Variants in KDM4C observed in about 807,000 individuals in gnomAD.
KDM4C encodes lysine-specific demethylase 4C.
KDM4C carries 81 observed loss-of-function variants against 129.3 expected under a neutral mutation model. The observed-to-expected ratio is 0.63, with a 90% CI of 0.52 to 0.75. The LOEUF is 0.75. Among genes scored for constraint, KDM4C ranks in the 30% least tolerant of loss-of-function variants. KDM4C has a pLI of 0.00. For missense variants in KDM4C, 1,457 were observed against 1,304.0 expected (o/e 1.12, Z -1.81); for synonymous variants, 573 against 456.1 (o/e 1.26, Z -3.26).
At chr9:6,811,200 A>G (rs907159414) in intron 3 of KDM4C, among the ~76,000 whole-genome samples, 13 of 151,896 alleles carry the variant, frequency 8.6e-5, no homozygotes, top group Non-Finnish European at 1.8e-4. Flanking sequence ...GTTGCCCAGG[A>G]TGGAGTGCAG....
At chr9:6,966,010 A>G (rs1292096242) in intron 8 of KDM4C, among the ~76,000 whole-genome samples, 1 of 152,224 alleles carries the variant, frequency 6.6e-6, no homozygotes, top group African/African-American at 2.4e-5. Flanking sequence ...AAAGCATATG[A>G]CCATTTTATT....
chr9:7,032,740 G>C (rs956163655), intron 15 of KDM4C, among the ~76,000 whole-genome samples: 13 of 152,132 alleles, frequency 8.5e-5, no homozygotes, highest in African/African-American at 3.1e-4. Flanking sequence ...TGCCTCCTCT[G>C]CTCAGCTTTT....
intron 15 of KDM4C, among the ~76,000 whole-genome samples, chr9:7,040,826 G>T (rs548950852): frequency 6.6e-6 from 1 of 150,672 alleles, no homozygotes; most frequent in African/African-American, 2.4e-5. Context: ...TTTTTATTTG[G>T]TTTCCAGAAT....
At chr9:7,028,698 G>A (rs1209657607) in intron 15 of KDM4C, among the ~76,000 whole-genome samples, 4 of 151,882 alleles carry the variant, frequency 2.6e-5, no homozygotes, top group Non-Finnish European at 2.9e-5. Context: ...TGTTTATTTC[G>A]CACCCCAGAG....
At chr9:7,024,700 A>G (rs1310564388) in intron 15 of KDM4C, among the ~76,000 whole-genome samples, 1 of 152,138 alleles carries the variant, frequency 6.6e-6, no homozygotes, top group African/African-American at 2.4e-5. Flanking sequence ...TCCATGGTGT[A>G]TATGTGCCAC....
chr9:6,890,061 A>G (rs1845897960), intron 7 of KDM4C, among the ~76,000 whole-genome samples: 1 of 152,170 alleles, frequency 6.6e-6, no homozygotes, highest in Non-Finnish European at 1.5e-5. Context: ...TGGCAGTGGC[A>G]CTTCCTCATA....
At chr9:6,844,949 A>G (rs1483571753) in intron 4 of KDM4C, among the ~76,000 whole-genome samples, 1 of 152,166 alleles carries the variant, frequency 6.6e-6, no homozygotes. Flanking sequence ...CGGCCTCCCA[A>G]AGTGCTGGGA....
At chr9:7,022,529 C>G (rs1002578974) in intron 15 of KDM4C, among the ~76,000 whole-genome samples, 2 of 151,278 alleles carry the variant, frequency 1.3e-5, no homozygotes, top group Admixed American at 6.6e-5. Flanking sequence ...TTTATCAGTT[C>G]TAGTAGTTTT....
chr9:7,108,982 A>G (rs1838014614), intron 18 of KDM4C, among the ~76,000 whole-genome samples: 2 of 152,214 alleles, frequency 1.3e-5, no homozygotes, highest in South Asian at 4.1e-4. Context: ...TTGATTATGG[A>G]TTGACAGGGA....
At chr9:6,735,586 A>C (rs1426505990) in intron 1 of KDM4C, among the ~76,000 whole-genome samples, 3 of 152,146 alleles carry the variant, frequency 2.0e-5, no homozygotes, top group African/African-American at 4.8e-5. Context: ...TCCCTGCACA[A>C]GCCCTCTCTT....
intron 8 of KDM4C, among the ~76,000 whole-genome samples, chr9:6,956,271 A>G (rs559410645): frequency 6.6e-6 from 1 of 152,352 alleles, no homozygotes; most frequent in Admixed American, 6.5e-5. Flanking sequence ...TTTGTAACTC[A>G]AAGGATAAAT....
In KDM4C at chr9:6,837,741, T is replaced by C. The variant is rs531749791; in HGVS notation, c.436-11766T>C. 6.6e-5 allele frequency among the ~76,000 whole-genome samples: 10 copies of C among 152,342 alleles called. No homozygotes were observed. The South Asian group carries it at 1.0e-3, about 16-fold the overall frequency. ...GATACCAAAACTATCCCAGTTATAT[T>C]TGTTGAATTATTTGCTCTAGTTGTG... On this transcript the variant is annotated intron_variant, in intron 4 of 21. Coordinates refer to ENST00000381309, the MANE Select transcript of KDM4C (RefSeq NM_015061.6).
At chr9:7,028,490 TCTCCTCTC>T (rs1261511651) in intron 15 of KDM4C, among the ~76,000 whole-genome samples, 3 of 151,388 alleles carry the variant, frequency 2.0e-5, no homozygotes, top group Non-Finnish European at 4.4e-5. Context: ...TACTCTCTCT[TCTCCTCTC>T]CTCAAGCAGA....
chr9:7,167,253 A>AACCATCCCTGCTTGCCTGGG, intron 20 of KDM4C, among the ~76,000 whole-genome samples: 1 of 152,318 alleles, frequency 6.6e-6, no homozygotes, highest in Non-Finnish European at 1.5e-5. Context: ...TAGGGTGGAC[A>AACCATCCCTGCTTGCCTGGG]ACCATCCCTG....
At chr9:6,727,242 G>C (rs1453743027) in intron 1 of KDM4C, 1 of 151,688 alleles carries the variant, frequency 6.6e-6, no homozygotes, top group Non-Finnish European at 1.5e-5. Flanking sequence ...CCTGAGGTCA[G>C]GAGTTCGAGA....
At chr9:7,153,970 G>T (rs936245094) in intron 19 of KDM4C, among the ~76,000 whole-genome samples, 1 of 152,190 alleles carries the variant, frequency 6.6e-6, no homozygotes, top group African/African-American at 2.4e-5. Flanking sequence ...CTGTCTGAGA[G>T]AATTCTCTCT....
At chr9:6,763,348 C>G (rs1819958986) in intron 1 of KDM4C, among the ~76,000 whole-genome samples, 1 of 152,114 alleles carries the variant, frequency 6.6e-6, no homozygotes, top group South Asian at 2.1e-4. Context: ...TTGATTGATT[C>G]CATCTCATTC....
intron 1 of KDM4C, among the ~76,000 whole-genome samples, chr9:6,738,743 C>T (rs1030154026): frequency 6.6e-6 from 1 of 151,966 alleles, no homozygotes; most frequent in Non-Finnish European, 1.5e-5. Flanking sequence ...CCACGCCCAA[C>T]TAATTTTTCT....
intron 8 of KDM4C, among the ~76,000 whole-genome samples, chr9:6,928,072 G>A (rs376288055): frequency 6.6e-6 from 1 of 151,966 alleles, no homozygotes; most frequent in Admixed American, 6.6e-5. Flanking sequence ...TCCTTTTTTA[G>A]CCCACTCCAG....
Sources: allele counts gnomAD v4.1 joint callset (sites outside exome capture counted in the v4.1 genomes callset), GRCh38; gene constraint gnomAD v4.1.1; transcripts MANE v1.5; gene names NCBI Gene and HGNC (gene_info 2026-07-23, HGNC 2026-07-21).